The following ATG7 variants were observed in gnomAD, a reference collection of about 807,000 sequenced individuals.
ATG7 encodes the protein ubiquitin-like modifier-activating enzyme ATG7.
A neutral mutation model predicts 82.4 loss-of-function variants in ATG7; 70 were observed. The observed-to-expected ratio is 0.85, with a 90% CI of 0.70 to 1.04. The LOEUF (loss-of-function observed/expected upper bound fraction) is 1.04, where lower values mean the gene tolerates loss of function less well. Ranked by LOEUF, ATG7 falls within the 50% of genes least tolerant of loss-of-function variation. The probability of loss-of-function intolerance (pLI) is 0.00; values close to 1 mark genes in which losing one functional copy is unlikely to be tolerated. For missense variants in ATG7, 792 were observed against 864.3 expected (o/e 0.92, Z 1.05); for synonymous variants, 287 against 313.0 (o/e 0.92, Z 0.88).
At chr3:11,386,485 C>G (rs867790319) in intron 19 of ATG7, among the ~76,000 whole-genome samples, 38 of 152,232 alleles carry the variant, frequency 2.5e-4, no homozygotes, top group African/African-American at 8.7e-4. Context: ...CCCTGCTTCT[C>G]AGATTTGATA....
intron 19 of ATG7, among the ~76,000 whole-genome samples, chr3:11,383,357 G>A (rs181325445): frequency 6.6e-6 from 1 of 152,032 alleles, no homozygotes; most frequent in Non-Finnish European, 1.5e-5. Flanking sequence ...CCTATGATTC[G>A]ATTCAGGTTA....
intron 20 of ATG7, among the ~76,000 whole-genome samples, chr3:11,508,840 T>C (rs904195260): frequency 1.3e-5 from 2 of 152,204 alleles, no homozygotes; most frequent in African/African-American, 4.8e-5. Context: ...GCTTCTGAAG[T>C]GTGTTTGTCT....
chr3:11,364,448 C>G (rs754282419), intron 17 of ATG7, among the ~76,000 whole-genome samples: 1 of 152,222 alleles, frequency 6.6e-6, no homozygotes, highest in African/African-American at 2.4e-5. Flanking sequence ...CCTATGGTCA[C>G]AAGCTCAGGT....
At chr3:11,421,471 C>T (rs1027832997) in intron 19 of ATG7, among the ~76,000 whole-genome samples, 4 of 152,170 alleles carry the variant, frequency 2.6e-5, no homozygotes, top group Non-Finnish European at 4.4e-5. Context: ...GAAGCAACTC[C>T]TCATCTGTTC....
intron 3 of ATG7, among the ~76,000 whole-genome samples, chr3:11,285,261 A>T (rs1326485723): frequency 6.9e-6 from 1 of 144,464 alleles, no homozygotes; most frequent in Non-Finnish European, 1.5e-5. Context: ...CTCACTGCAG[A>T]CTCGACCTCC....
rs539467448 is a variant in ATG7, at chr3:11,432,456, C to G, written c.2079+5530C>G. Among the ~76,000 whole-genome samples, 138 of 46,458 alleles carry G rather than the reference C, an allele frequency of 3.0e-3. 1 individual carries two copies. Among genetic ancestry groups the G allele is most frequent in the African/African-American group, 9.0e-3 (136 of 15,078 alleles). 30.5% of individuals were successfully genotyped at this position (46,458 alleles called of 152,430 possible). On this transcript the variant is annotated intron_variant, in intron 20 of 20. Coordinates refer to ENST00000693202, the MANE Select transcript of ATG7 (RefSeq NM_001349232.2). ...ATGTTACATTTTTATGAAGAAGGAG[C>G]CTTGCATAAGAATGATATAATGGAC...
chr3:11,496,177 A>G (rs1233309637), intron 20 of ATG7, among the ~76,000 whole-genome samples: 1 of 152,192 alleles, frequency 6.6e-6, no homozygotes, highest in African/African-American at 2.4e-5. Context: ...AAAAACATCC[A>G]CAGAGAAAGG....
intron 19 of ATG7, among the ~76,000 whole-genome samples, chr3:11,392,471 C>CAAA (rs386395940): frequency 8.0e-5 from 12 of 149,246 alleles, no homozygotes; most frequent in Non-Finnish European, 1.6e-4. Flanking sequence ...AAAAAACAAA[C>CAAA]AAAAAAAACA....
At chr3:11,474,198 A>C (rs1458087951) in intron 20 of ATG7, among the ~76,000 whole-genome samples, 1 of 152,260 alleles carries the variant, frequency 6.6e-6, no homozygotes, top group Non-Finnish European at 1.5e-5. Flanking sequence ...CACTGGGGAC[A>C]GTGGCAAGAC....
At chr3:11,522,216 G>A (rs531102636) in intron 20 of ATG7, among the ~76,000 whole-genome samples, 37 of 152,248 alleles carry the variant, frequency 2.4e-4, no homozygotes, top group African/African-American at 8.9e-4. Context: ...CTTTCAGCTA[G>A]CTGTGCCCTA....
intron 20 of ATG7, among the ~76,000 whole-genome samples, chr3:11,468,858 A>C (rs866994018): frequency 6.6e-6 from 1 of 152,352 alleles, no homozygotes; most frequent in East Asian, 1.9e-4. Context: ...ATTTGGAACC[A>C]TGACCCTGAG....
At chr3:11,564,756 C>T in the ATG7 span, 2 of 1,533,310 alleles carry the variant, frequency 1.3e-6, no homozygotes, top group East Asian at 2.5e-5. Flanking sequence ...AGTCCCCCAG[C>T]CCCTGGACTC....
Position 11,358,419 on chromosome 3 carries a change from A to C in ATG7, c.1286A>C (p.Asn429Thr). The C allele has an allele frequency of 6.2e-7, 1 of 1,611,570 alleles. No individual in the cohort carries two copies. The highest frequency in any genetic ancestry group is 1.3e-5 in the African/African-American group (1 of 74,828). The change falls in exon 15 of 21, where the codon AAT becomes ACT. Residue 429 changes from asparagine (N) to threonine (T), a missense_variant and splice_region_variant. Transcript: ENST00000693202. ...DRLQKIFPGV[N>T]ARGFNMSIPM... ...AACTACGTCCTGGTGTTTCCCTAGAATGCCAGAGGATTCAACATGAGCATA... is the reference window on the plus strand; with the variant it reads ...AACTACGTCCTGGTGTTTCCCTAGACTGCCAGAGGATTCAACATGAGCATA...
intron 20 of ATG7, among the ~76,000 whole-genome samples, chr3:11,501,539 T>C (rs1437087596): frequency 1.3e-4 from 2 of 15,938 alleles, no homozygotes; most frequent in Non-Finnish European, 2.4e-4. Context: ...TAATAGATAA[T>C]GATATTAATA....
intron 19 of ATG7, among the ~76,000 whole-genome samples, chr3:11,426,129 A>G (rs978301889): frequency 3.9e-5 from 6 of 152,178 alleles, no homozygotes; most frequent in African/African-American, 1.4e-4. Context: ...TTGGGTGTAT[A>G]TACACATAGA....
rs55999171 is a variant in ATG7 at position 11,465,088 on chromosome 3, A to AGTGTGT, written c.2079+38183_2079+38188dup. ...ATCAAATCAATCTCTAAAAACCTAA[A>AGTGTGT]GTGTGTGTGTGTGTGTGTGTGTGTG... On this transcript the variant is annotated intron_variant, in intron 20 of 20. Coordinates refer to ENST00000693202, the MANE Select transcript of ATG7 (RefSeq NM_001349232.2). Among the ~76,000 whole-genome samples the AGTGTGT allele has an allele frequency of 1.9e-3, 284 of 147,418 alleles. 1 individual carries two copies. Among genetic ancestry groups the AGTGTGT allele is most frequent in the Admixed American group, 4.6e-3 (68 of 14,706 alleles).
intron 6 of ATG7, chr3:11,308,652 GT>G (rs539763934): frequency 6.1e-4 from 184 of 301,090 alleles, no homozygotes; most frequent in African/African-American, 3.5e-3. Flanking sequence ...TAACCCTGAT[GT>G]GCCTGGTATA....
chr3:11,318,197 G>C (rs1949711118), intron 9 of ATG7, among the ~76,000 whole-genome samples: 1 of 152,070 alleles, frequency 6.6e-6, no homozygotes, highest in Admixed American at 6.6e-5. Context: ...GTCGGATTCA[G>C]GCACACTATC....
intron 3 of ATG7, among the ~76,000 whole-genome samples, chr3:11,284,183 C>A (rs1035913353): frequency 2.0e-5 from 3 of 152,010 alleles, no homozygotes; most frequent in African/African-American, 7.3e-5. Context: ...TTAAAAAATC[C>A]TGTATTTCTT....
Sources: gnomAD v4.1 joint callset for allele counts (sites outside exome capture counted in the v4.1 genomes callset) on GRCh38, gnomAD v4.1.1 for gene constraint, MANE v1.5 for transcripts, NCBI Gene and HGNC (gene_info 2026-07-23, HGNC 2026-07-21) for gene names.